KCNK12: variants seen among roughly 807,000 people sequenced by gnomAD.
The protein encoded by KCNK12 is potassium two pore domain channel subfamily K member 12, also known as potassium channel subfamily K member 12.
Under a neutral mutation model 25.3 loss-of-function variants are expected in KCNK12, and 6 were observed. The observed-to-expected ratio is 0.24, with a 90% CI of 0.13 to 0.47. The LOEUF (loss-of-function observed/expected upper bound fraction) is 0.47, where lower values mean the gene tolerates loss of function less well. KCNK12 is among the 20% of genes least tolerant of loss of function. The pLI, the probability that KCNK12 is intolerant of heterozygous loss-of-function variation, is 0.99. For synonymous variants in KCNK12, 331 were observed against 311.1 expected (o/e 1.06, Z -0.67); for missense variants, 444 against 661.7 (o/e 0.67, Z 3.61).
rs553093971 is a variant in KCNK12, at chr2:47,540,088, G to A, written c.392-18280C>T. On this transcript the variant is annotated intron_variant, in intron 1 of 1. Coordinates refer to ENST00000327876, the MANE Select transcript of KCNK12 (RefSeq NM_022055.2). The surrounding 1 kb of genome is among the most constrained non-coding windows in gnomAD (Gnocchi z 5.4). Reference sequence around the variant, plus strand: ...GATCAGAGGGGAGGGGACAGCTGGCGGATTTAGCAGAGTACGTGGCACAGA... The same window carrying A: ...GATCAGAGGGGAGGGGACAGCTGGCAGATTTAGCAGAGTACGTGGCACAGA... 1.1e-4 allele frequency among the ~76,000 whole-genome samples: 17 copies of A among 152,310 alleles called. No homozygotes were observed. The South Asian group carries it at 2.9e-3, about 26-fold the overall frequency.
In KCNK12 at chr2:47,557,095, G is replaced by C. The variant is rs917891992; in HGVS notation, c.391+12846C>G. 1.2e-4 allele frequency among the ~76,000 whole-genome samples: 18 copies of C among 152,188 alleles called. No homozygotes were observed. Among genetic ancestry groups the C allele is most frequent in the African/African-American group, 4.1e-4 (17 of 41,434 alleles). On this transcript the variant is annotated intron_variant, in intron 1 of 1. Coordinates refer to ENST00000327876, the MANE Select transcript of KCNK12 (RefSeq NM_022055.2). The surrounding 1 kb of genome is among the most constrained non-coding windows in gnomAD (Gnocchi z 4.9). ...GTGAATGGGCAGGAGATGCATGCTG[G>C]CAACCCCAATGACAGAGCTTGCTAT...
chr2:47,516,223 C>G lies in KCNK12; in HGVS notation c.*4684G>C, dbSNP rs1668521132. Among the ~76,000 whole-genome samples, 1 of 152,178 alleles carries G rather than the reference C, an allele frequency of 6.6e-6. No individual in the cohort carries two copies. The highest frequency in any genetic ancestry group is 2.1e-4 in the South Asian group (1 of 4,832). ...TCCATGACTGCCCATTAGAATCCCC[C>G]CAAAAAATTCCAGGACTGGCCTGAG... On this transcript the variant is annotated 3_prime_UTR_variant, in exon 2 of 2. Transcript: ENST00000327876.
At position 47,512,193 on chromosome 2, in the gene KCNK12, C is replaced by G. The variant is rs1668418415; in HGVS notation, c.*8714G>C. 12 of 1,320,760 alleles carry G rather than the reference C, an allele frequency of 9.1e-6. No homozygotes were observed. The South Asian group carries it at 1.4e-4, about 15-fold the overall frequency. 81.8% of individuals were successfully genotyped at this position (1,320,760 alleles called of 1,614,324 possible). On this transcript the variant is annotated 3_prime_UTR_variant, in exon 2 of 2. Coordinates refer to ENST00000327876, the MANE Select transcript of KCNK12 (RefSeq NM_022055.2). ...AGTCCATGGAGAAAAAAGAATTGAA[C>G]AAACTGTCTAAGCTGGGTCAGGTAC...
Position 47,569,835 on chromosome 2 carries a change from G to A in KCNK12, c.391+106C>T, listed in dbSNP as rs976765966. 6.5e-6 allele frequency: 6 copies of A among 921,246 alleles called. No individual in the cohort carries two copies. Among genetic ancestry groups the A allele is most frequent in the African/African-American group, 1.7e-5 (1 of 57,648 alleles). 57.1% of individuals were successfully genotyped at this position (921,246 alleles called of 1,614,324 possible). A position where few individuals can be genotyped will look rare whatever the true frequency, so the allele number is the denominator to read the frequency against. On this transcript the variant is annotated intron_variant, in intron 1 of 1. Transcript: ENST00000327876. The surrounding 1 kb of genome is among the most constrained non-coding windows in gnomAD (Gnocchi z 4.1). ...GACGAAAGTAAGCAAAGGGACATTA[G>A]AAGGGAAGGCAGAGCCGAGGGACGC...
At position 47,565,970 on chromosome 2, in the gene KCNK12, A is replaced by T. The variant is rs918211479; in HGVS notation, c.391+3971T>A. The T allele has an allele frequency of 1.3e-5, 2 of 152,264 alleles. No individual in the cohort carries two copies. The highest frequency in any genetic ancestry group is 2.9e-5 in the Non-Finnish European group (2 of 68,046). The allele number at this position is 152,264 out of a possible 1,614,324, so 9.4% of individuals were successfully genotyped here. A position where few individuals can be genotyped will look rare whatever the true frequency, so the allele number is the denominator to read the frequency against. ...TAAATGGATACATTCACATTAAAAC[A>T]AACTTGATTTCAACCCCCAGGGAAT... On this transcript the variant is annotated intron_variant, in intron 1 of 1. Coordinates refer to ENST00000327876, the MANE Select transcript of KCNK12 (RefSeq NM_022055.2). This position sits in a 1 kb window ranked among gnomAD's most constrained non-coding sequence, Gnocchi z 5.0.
In KCNK12 at chr2:47,538,626, C is replaced by G. The variant is rs146206127; in HGVS notation, c.392-16818G>C. 7.3e-3 allele frequency among the ~76,000 whole-genome samples: 1,109 copies of G among 152,232 alleles called. 11 individuals are homozygous for G. Among genetic ancestry groups the G allele is most frequent in the African/African-American group, 0.024 (990 of 41,538 alleles). ...TCTCTACTAAAAATACAAAAATTAG[C>G]CAGGCATGGTGGTGCATGCCTGTAA... On this transcript the variant is annotated intron_variant, in intron 1 of 1. Coordinates refer to ENST00000327876, the MANE Select transcript of KCNK12 (RefSeq NM_022055.2). The surrounding 1 kb of genome is among the most constrained non-coding windows in gnomAD (Gnocchi z 4.5).
Position 47,551,279 on chromosome 2 carries a change from G to A in KCNK12, c.391+18662C>T, listed in dbSNP as rs906382206. On this transcript the variant is annotated intron_variant, in intron 1 of 1. Transcript: ENST00000327876. This position sits in a 1 kb window ranked among gnomAD's most constrained non-coding sequence, Gnocchi z 5.3. The stretch of plus-strand genomic sequence containing the variant: ...GGCTGGAGCCCTCTTCCTCCAGGCA[G>A]CCACATGGCTCACTCCCTTACCTCA... 6.6e-6 allele frequency among the ~76,000 whole-genome samples: 1 copy of A among 150,898 alleles called. No individual in the cohort carries two copies. The highest frequency in any genetic ancestry group is 6.6e-5 in the Admixed American group (1 of 15,062).
At chr2:47,554,681 T>G (rs936056561) in intron 1 of KCNK12, among the ~76,000 whole-genome samples, 3 of 152,150 alleles carry the variant, frequency 2.0e-5, no homozygotes, top group Non-Finnish European at 4.4e-5. Flanking sequence ...ACTGAAGGAT[T>G]TCAAACAAGC....
chr2:47,569,978 G>A lies in KCNK12; in HGVS notation c.354C>T (p.Gly118=), dbSNP rs1314191125. Residue 118 remains glycine, a synonymous_variant, in exon 1 of 2, where the codon GGC becomes GGT. Coordinates refer to ENST00000327876, the MANE Select transcript of KCNK12 (RefSeq NM_022055.2). The surrounding 1 kb of genome is among the most constrained non-coding windows in gnomAD (Gnocchi z 4.1). ...CCACGGTGCCCACGAAGTAGAAGGCGCCGGGGAAGTCCCAGCGCGGGCGCA... is the reference window on the plus strand; with the variant it reads ...CCACGGTGCCCACGAAGTAGAAGGCACCGGGGAAGTCCCAGCGCGGGCGCA... The part of the protein sequence containing the change: ...DALRPRWDFP[G]AFYFVGTVVS... The A allele has an allele frequency of 2.0e-5, 28 of 1,434,848 alleles. No individual in the cohort carries two copies. Among genetic ancestry groups the A allele is most frequent in the Non-Finnish European group, 2.6e-5 (28 of 1,095,328 alleles). The allele number at this position is 1,434,848 out of a possible 1,614,324, so 88.9% of individuals were successfully genotyped here.
chr2:47,555,799 T>G lies in KCNK12; in HGVS notation c.391+14142A>C, dbSNP rs1240888267. On this transcript the variant is annotated intron_variant, in intron 1 of 1. Coordinates refer to ENST00000327876, the MANE Select transcript of KCNK12 (RefSeq NM_022055.2). The surrounding 1 kb of genome is among the most constrained non-coding windows in gnomAD (Gnocchi z 4.5). ...GACTGAGCATGGGGCCCTCTCATAC[T>G]GAAAGGTCACATAGAGATCCAGCAA... 6.6e-6 allele frequency: 1 copy of G among 152,190 alleles called. No homozygotes were observed. Among genetic ancestry groups the G allele is most frequent in the Non-Finnish European group, 1.5e-5 (1 of 68,054 alleles). 9.4% of individuals were successfully genotyped at this position (152,190 alleles called of 1,614,324 possible). A position where few individuals can be genotyped will look rare whatever the true frequency, so the allele number is the denominator to read the frequency against.
intron 1 of KCNK12, among the ~76,000 whole-genome samples, chr2:47,523,507 A>G (rs767199146): frequency 2.6e-5 from 4 of 152,196 alleles, no homozygotes; most frequent in Non-Finnish European, 5.9e-5. Context: ...TTAACTTACC[A>G]CTTGTTCAAA....
At chr2:47,554,533 T>C (rs1452848571) in intron 1 of KCNK12, among the ~76,000 whole-genome samples, 1 of 152,136 alleles carries the variant, frequency 6.6e-6, no homozygotes, top group South Asian at 2.1e-4. Flanking sequence ...AGAAGTCTGA[T>C]CTGGGTAAGT....
rs1173618165 is a variant in KCNK12, at chr2:47,562,129, T to G, written c.391+7812A>C. On this transcript the variant is annotated intron_variant, in intron 1 of 1. Transcript: ENST00000327876. The surrounding 1 kb of genome is among the most constrained non-coding windows in gnomAD (Gnocchi z 4.8). Reference sequence around the variant, plus strand: ...CAGCATAGGCATTGCCAGGAGCTCATGAGGAATGCAGACTGTCAGGTCCCA... The same window carrying G: ...CAGCATAGGCATTGCCAGGAGCTCAGGAGGAATGCAGACTGTCAGGTCCCA... 6 of 398,480 alleles carry G rather than the reference T, an allele frequency of 1.5e-5. No homozygotes were observed. Among genetic ancestry groups the G allele is most frequent in the Non-Finnish European group, 2.7e-5 (6 of 226,096 alleles). The allele number at this position is 398,480 out of a possible 1,614,324, so 24.7% of individuals were successfully genotyped here.
chr2:47,563,649 G>A (rs1024891201), intron 1 of KCNK12: 5 of 232,962 alleles, frequency 2.1e-5, no homozygotes, highest in Admixed American at 1.7e-4. Context: ...CTGAGGAAAG[G>A]CCCACTGGTC....
At chr2:47,559,695 C>A (rs913079274) in intron 1 of KCNK12, among the ~76,000 whole-genome samples, 1 of 152,182 alleles carries the variant, frequency 6.6e-6, no homozygotes. Context: ...GGCCCTGGGC[C>A]AGCTTTAGAC....
rs1047021219 is a variant in KCNK12 at position 47,509,803 on chromosome 2, A to G, written c.*11104T>C. ...AAGAAAGGGCTACTCCACCCCCTCC[A>G]ATTTGTGTAAGGCCAGGGGACTTCC... On this transcript the variant is annotated 3_prime_UTR_variant, in exon 2 of 2. Coordinates refer to ENST00000327876, the MANE Select transcript of KCNK12 (RefSeq NM_022055.2). 1.2e-4 allele frequency among the ~76,000 whole-genome samples: 19 copies of G among 152,272 alleles called. No individual in the cohort carries two copies. The highest frequency in any genetic ancestry group is 4.6e-4 in the African/African-American group (19 of 41,556).
rs1482676007 is a variant in KCNK12 at position 47,557,179 on chromosome 2, A to C, written c.391+12762T>G. On this transcript the variant is annotated intron_variant, in intron 1 of 1. Transcript: ENST00000327876. This position sits in a 1 kb window ranked among gnomAD's most constrained non-coding sequence, Gnocchi z 4.9. The stretch of plus-strand genomic sequence containing the variant: ...ATCCAATGGCTATTGTAAGACTTTT[A>C]AGAGGTGAGAACTTTAAGAGGTGAT... Among the ~76,000 whole-genome samples the C allele has an allele frequency of 2.6e-5, 4 of 152,216 alleles. No homozygotes were observed. Among genetic ancestry groups the C allele is most frequent in the Non-Finnish European group, 4.4e-5 (3 of 68,038 alleles).
Position 47,521,386 on chromosome 2 carries a change from T to A in KCNK12, c.814A>T (p.Asn272Tyr), listed in dbSNP as rs372320513. The change falls in exon 2 of 2, where the codon AAC becomes TAC. Residue 272 changes from asparagine (N) to tyrosine (Y), a missense_variant. Physicochemically the swap from Asn to Tyr is moderately radical, Grantham distance 143. Coordinates refer to ENST00000327876, the MANE Select transcript of KCNK12 (RefSeq NM_022055.2). ...TTGCCCAGGCGGTAGAGCCCCTGGT[T>A]CCGGTAGGCGGCGTGCTGGCTGCTC... is the stretch of plus-strand genomic sequence containing the variant. ...LVSSQHAAYR[N>Y]QGLYRLGNFL... 1 of 1,613,632 alleles carries A rather than the reference T, an allele frequency of 6.2e-7. No individual in the cohort carries two copies. Among genetic ancestry groups the A allele is most frequent in the Non-Finnish European group, 8.5e-7 (1 of 1,179,838 alleles).
rs1425598419 is a variant in KCNK12 at position 47,511,323 on chromosome 2, A to C, written c.*9584T>G. On this transcript the variant is annotated 3_prime_UTR_variant, in exon 2 of 2. Transcript: ENST00000327876. This position sits in a 1 kb window ranked among gnomAD's most constrained non-coding sequence, Gnocchi z 4.3. ...TGTGTGAGTTGAAGGGAGCAACCTC[A>C]TGAGGTTTTGCTTTGTGTCTTAATT... 6.6e-6 allele frequency among the ~76,000 whole-genome samples: 1 copy of C among 152,190 alleles called. No homozygotes were observed. The highest frequency in any genetic ancestry group is 1.5e-5 in the Non-Finnish European group (1 of 68,026).
Sources: gnomAD v4.1 joint callset for allele counts (sites outside exome capture counted in the v4.1 genomes callset) on GRCh38, gnomAD v4.1.1 for gene constraint, Gnocchi (gnomAD v3.1) non-coding constraint, MANE v1.5 for transcripts, NCBI Gene and HGNC (gene_info 2026-07-23, HGNC 2026-07-21) for gene names.